The following TAFA1 variants were observed in gnomAD, a reference collection of about 807,000 sequenced individuals.
TAFA1 encodes chemokine-like protein TAFA-1.
In TAFA1, 4 loss-of-function variants were observed where a neutral mutation model predicts 18.5. That is an observed-to-expected ratio of 0.22 (90% CI 0.11 to 0.49). The LOEUF is 0.49. Ranked by LOEUF, TAFA1 falls within the 20% of genes least tolerant of loss-of-function variation. The pLI is 0.98. For missense variants in TAFA1, 147 were observed against 169.0 expected (o/e 0.87, Z 0.72); for synonymous variants, 56 against 55.2 (o/e 1.01, Z -0.06).
At chr3:68,112,809 G>A (rs377481747) in intron 2 of TAFA1, among the ~76,000 whole-genome samples, 5 of 151,956 alleles carry the variant, frequency 3.3e-5, no homozygotes, top group East Asian at 1.9e-4. Context: ...TAAAAATACC[G>A]TTTATAATAT....
chr3:68,278,147 A>G (rs1166428990), intron 2 of TAFA1, among the ~76,000 whole-genome samples: 1 of 152,140 alleles, frequency 6.6e-6, no homozygotes, highest in East Asian at 1.9e-4. Context: ...GGCTGTAATT[A>G]TTTACAGTCT....
chr3:68,160,614 A>T (rs1233104055), intron 2 of TAFA1, among the ~76,000 whole-genome samples: 1 of 152,244 alleles, frequency 6.6e-6, no homozygotes, highest in Non-Finnish European at 1.5e-5. Flanking sequence ...AATTAAGTGT[A>T]ACATCTCCAA....
intron 3 of TAFA1, among the ~76,000 whole-genome samples, chr3:68,452,906 G>T (rs2071590346): frequency 6.6e-6 from 1 of 152,078 alleles, no homozygotes; most frequent in African/African-American, 2.4e-5. Flanking sequence ...TTTTTCAATC[G>T]ATTCTGAATA....
At chr3:68,182,102 G>C (rs2066209874) in intron 2 of TAFA1, among the ~76,000 whole-genome samples, 1 of 152,096 alleles carries the variant, frequency 6.6e-6, no homozygotes, top group Admixed American at 6.5e-5. Context: ...TTAGCTACTG[G>C]TGAGGCTGAG....
intron 2 of TAFA1, among the ~76,000 whole-genome samples, chr3:68,090,221 G>C (rs1559516512): frequency 6.6e-6 from 1 of 152,158 alleles, no homozygotes; most frequent in East Asian, 1.9e-4. Context: ...ATCCCTGCAA[G>C]ATATGTTTCT....
At chr3:68,437,813 G>A (rs546721534) in intron 3 of TAFA1, among the ~76,000 whole-genome samples, 49 of 152,124 alleles carry the variant, frequency 3.2e-4, no homozygotes, top group African/African-American at 9.2e-4. Context: ...CTGGCCTCCC[G>A]AAACTCATAT....
intron 2 of TAFA1, among the ~76,000 whole-genome samples, chr3:68,045,800 T>G (rs1705256006): frequency 6.6e-6 from 1 of 152,210 alleles, no homozygotes; most frequent in Non-Finnish European, 1.5e-5. Flanking sequence ...AATCATTCAT[T>G]TCGTTATTTT....
intron 2 of TAFA1, among the ~76,000 whole-genome samples, chr3:68,158,509 G>C (rs2118596): frequency 0.045 from 6,802 of 150,974 alleles, 178 homozygotes; most frequent in East Asian, 0.09. Flanking sequence ...TTTCGTGTCA[G>C]CTTGGAGATG....
At chr3:68,282,623 G>T (rs1188828993) in intron 2 of TAFA1, among the ~76,000 whole-genome samples, 1 of 152,186 alleles carries the variant, frequency 6.6e-6, no homozygotes, top group Non-Finnish European at 1.5e-5. Context: ...TCCAGGGAGT[G>T]TGTTCTGCTC....
chr3:68,400,233 G>T (rs184797101), intron 2 of TAFA1, among the ~76,000 whole-genome samples: 47 of 152,248 alleles, frequency 3.1e-4, no homozygotes, highest in African/African-American at 1.1e-3. Flanking sequence ...TACCAAAAGA[G>T]GGAATGAGAC....
chr3:68,337,184 C>T (rs1354043879), intron 2 of TAFA1, among the ~76,000 whole-genome samples: 10 of 152,298 alleles, frequency 6.6e-5, no homozygotes, highest in Non-Finnish European at 1.5e-4. Context: ...CACGGTTCCA[C>T]ACACTATACA....
intron 2 of TAFA1, among the ~76,000 whole-genome samples, chr3:68,015,067 G>A (rs1251664524): frequency 6.6e-6 from 1 of 151,942 alleles, no homozygotes; most frequent in African/African-American, 2.4e-5. Flanking sequence ...AATCAAAAGG[G>A]GATGTTCTGT....
intron 2 of TAFA1, among the ~76,000 whole-genome samples, chr3:68,304,730 T>C (rs1372337989): frequency 6.6e-6 from 1 of 152,268 alleles, no homozygotes; most frequent in East Asian, 1.9e-4. Context: ...AATGGAGAAA[T>C]AAGCAAATAA....
intron 2 of TAFA1, among the ~76,000 whole-genome samples, chr3:68,139,272 A>C (rs369496500): frequency 2.6e-5 from 4 of 152,234 alleles, no homozygotes; most frequent in African/African-American, 9.6e-5. Flanking sequence ...TAGCAGTAAG[A>C]GGAGAAATAC....
chr3:68,297,610 T>C (rs1035823810), intron 2 of TAFA1, among the ~76,000 whole-genome samples: 1 of 152,224 alleles, frequency 6.6e-6, no homozygotes, highest in African/African-American at 2.4e-5. Flanking sequence ...CCTCTTTTAA[T>C]GATAGATATT....
At chr3:68,088,322 G>GT (rs1483288604) in intron 2 of TAFA1, among the ~76,000 whole-genome samples, 2 of 152,098 alleles carry the variant, frequency 1.3e-5, no homozygotes, top group Non-Finnish European at 1.5e-5. Flanking sequence ...ATAGATTTTG[G>GT]TTTTTTTGAT....
chr3:68,288,163 T>C (rs536538644), intron 2 of TAFA1, among the ~76,000 whole-genome samples: 22 of 152,142 alleles, frequency 1.4e-4, no homozygotes, highest in Non-Finnish European at 2.8e-4. Context: ...TAATCCAGAA[T>C]TAGCAGAAGT....
intron 2 of TAFA1, among the ~76,000 whole-genome samples, chr3:68,271,852 A>C (rs1287131434): frequency 6.7e-6 from 1 of 149,846 alleles, no homozygotes; most frequent in Non-Finnish European, 1.5e-5. Context: ...ACACACACAC[A>C]CACACACATT....
chr3:68,211,688 G>T (rs532832928), intron 2 of TAFA1, among the ~76,000 whole-genome samples: 1 of 152,204 alleles, frequency 6.6e-6, no homozygotes, highest in African/African-American at 2.4e-5. Context: ...CTGGCATCTG[G>T]TGAAGGCCTC....
Sources: allele counts gnomAD v4.1 joint callset (sites outside exome capture counted in the v4.1 genomes callset), GRCh38; gene constraint gnomAD v4.1.1; transcripts MANE v1.5; gene names NCBI Gene and HGNC (gene_info 2026-07-23, HGNC 2026-07-21).